The following MTUS2 variants were observed in gnomAD, a reference collection of about 807,000 sequenced individuals.
The protein encoded by MTUS2 is microtubule-associated tumor suppressor candidate 2.
Under a neutral mutation model 114.1 loss-of-function variants are expected in MTUS2, and 40 were observed. The ratio of observed to expected loss-of-function variants is 0.35; its 90% CI spans 0.27 to 0.46. The LOEUF is 0.46. Ranked by LOEUF, MTUS2 falls within the 20% of genes least tolerant of loss-of-function variation. The probability of loss-of-function intolerance (pLI) is 1.00; values close to 1 mark genes in which losing one functional copy is unlikely to be tolerated. For missense variants in MTUS2, 1,679 were observed against 1,705.4 expected (o/e 0.98, Z 0.27); for synonymous variants, 688 against 672.0 (o/e 1.02, Z -0.37).
At chr13:29,389,581 A>G (rs1176774261) in intron 8 of MTUS2, among the ~76,000 whole-genome samples, 3 of 104,386 alleles carry the variant, frequency 2.9e-5, no homozygotes, top group Non-Finnish European at 4.0e-5. Context: ...ATATGTGTGT[A>G]TACGTATACA....
At chr13:29,211,797 G>A (rs1895452216) in intron 5 of MTUS2, among the ~76,000 whole-genome samples, 1 of 151,614 alleles carries the variant, frequency 6.6e-6, no homozygotes, top group Non-Finnish European at 1.5e-5. Context: ...GTTTGTCAGT[G>A]TGTCATGGAG....
chr13:29,442,919 T>A (rs1487776550), intron 9 of MTUS2, among the ~76,000 whole-genome samples: 1 of 151,792 alleles, frequency 6.6e-6, no homozygotes, highest in Non-Finnish European at 1.5e-5. Flanking sequence ...CCTCCTCTTT[T>A]AGCAAGATAT....
chr13:29,110,641 T>A (rs1157468356), intron 5 of MTUS2, among the ~76,000 whole-genome samples: 3 of 152,076 alleles, frequency 2.0e-5, no homozygotes, highest in Non-Finnish European at 2.9e-5. Flanking sequence ...TTTCTTTGCT[T>A]CCTTCCCACA....
At chr13:29,144,258 C>CAGG (rs1237106094) in intron 5 of MTUS2, among the ~76,000 whole-genome samples, 1 of 152,176 alleles carries the variant, frequency 6.6e-6, no homozygotes, top group Non-Finnish European at 1.5e-5. Flanking sequence ...TTCTGTGGGT[C>CAGG]AGGAGTCTGA....
chr13:29,101,598 A>T (rs1890421865), intron 5 of MTUS2, among the ~76,000 whole-genome samples: 1 of 152,184 alleles, frequency 6.6e-6, no homozygotes, highest in Non-Finnish European at 1.5e-5. Flanking sequence ...TCCCTGAGGA[A>T]GATCTGGAGG....
At chr13:28,910,687 C>T (rs1235916196) in intron 2 of MTUS2, among the ~76,000 whole-genome samples, 1 of 152,034 alleles carries the variant, frequency 6.6e-6, no homozygotes. Context: ...CAGCTCCATT[C>T]ATGTCCCTGC....
intron 2 of MTUS2, among the ~76,000 whole-genome samples, chr13:29,007,763 T>C (rs1022010340): frequency 2.0e-5 from 3 of 152,242 alleles, no homozygotes; most frequent in African/African-American, 7.2e-5. Flanking sequence ...CCTCTCGCTT[T>C]ACTTTATTGT....
At chr13:29,286,854 C>T (rs1424078253) in intron 6 of MTUS2, among the ~76,000 whole-genome samples, 1 of 152,116 alleles carries the variant, frequency 6.6e-6, no homozygotes, top group Non-Finnish European at 1.5e-5. Flanking sequence ...CCACACCGGG[C>T]TAATTTTTGT....
chr13:29,133,153 G>A (rs1891836926), intron 5 of MTUS2, among the ~76,000 whole-genome samples: 1 of 151,826 alleles, frequency 6.6e-6, no homozygotes, highest in Admixed American at 6.6e-5. Flanking sequence ...ATTGCCATTT[G>A]TATTCTTCTT....
chr13:28,947,366 G>GA, intron 2 of MTUS2, among the ~76,000 whole-genome samples: 1 of 152,146 alleles, frequency 6.6e-6, no homozygotes, highest in Non-Finnish European at 1.5e-5. Flanking sequence ...ATGCATGAGC[G>GA]AGTGTTTACT....
intron 2 of MTUS2, among the ~76,000 whole-genome samples, chr13:28,942,919 A>G (rs1882323773): frequency 6.6e-6 from 1 of 152,130 alleles, no homozygotes; most frequent in Non-Finnish European, 1.5e-5. Flanking sequence ...TGATTCATTT[A>G]ATTATTTAAT....
intron 4 of MTUS2, among the ~76,000 whole-genome samples, chr13:29,050,166 A>G (rs575944263): frequency 2.0e-5 from 3 of 152,252 alleles, no homozygotes; most frequent in Admixed American, 6.5e-5. Context: ...GGTCCCTAGG[A>G]AACCCAAAAA....
intron 4 of MTUS2, among the ~76,000 whole-genome samples, chr13:29,098,485 C>CACAG (rs1890274175): frequency 6.6e-6 from 1 of 151,900 alleles, no homozygotes; most frequent in South Asian, 2.1e-4. Context: ...TGCATGCACA[C>CACAG]ACACACAAAC....
intron 2 of MTUS2, among the ~76,000 whole-genome samples, chr13:28,855,516 CAT>C (rs1876568633): frequency 6.6e-6 from 1 of 152,082 alleles, no homozygotes; most frequent in Non-Finnish European, 1.5e-5. Flanking sequence ...TAAGTGAGAA[CAT>C]GTGGTGTTTG....
intron 2 of MTUS2, among the ~76,000 whole-genome samples, chr13:28,903,471 T>A (rs563135732): frequency 3.8e-4 from 54 of 141,158 alleles, no homozygotes; most frequent in African/African-American, 1.4e-3. Context: ...TGTCCATGTG[T>A]TCTCATTGTT....
At chr13:29,085,152 C>T (rs1286072251) in intron 4 of MTUS2, among the ~76,000 whole-genome samples, 2 of 152,176 alleles carry the variant, frequency 1.3e-5, no homozygotes, top group Non-Finnish European at 2.9e-5. Flanking sequence ...TACCTTCCAC[C>T]ATGAGTGGAA....
intron 4 of MTUS2, among the ~76,000 whole-genome samples, chr13:29,069,301 A>G (rs922923697): frequency 6.6e-6 from 1 of 152,216 alleles, no homozygotes; most frequent in Non-Finnish European, 1.5e-5. Context: ...CCAATGGTAT[A>G]GATTCCAGTC....
chr13:29,388,567 T>C (rs1221262572), intron 8 of MTUS2, among the ~76,000 whole-genome samples: 1 of 152,010 alleles, frequency 6.6e-6, no homozygotes, highest in Non-Finnish European at 1.5e-5. Flanking sequence ...AACAAACAGC[T>C]GAAAGTTAAC....
At chr13:29,464,677 C>T (rs897489160) in intron 9 of MTUS2, among the ~76,000 whole-genome samples, 3 of 152,160 alleles carry the variant, frequency 2.0e-5, no homozygotes, top group African/African-American at 7.2e-5. Flanking sequence ...GATTCCACCC[C>T]AGCTAATTCA....
Sources: allele counts gnomAD v4.1 joint callset (sites outside exome capture counted in the v4.1 genomes callset), GRCh38; gene constraint gnomAD v4.1.1; transcripts MANE v1.5; gene names NCBI Gene and HGNC (gene_info 2026-07-23, HGNC 2026-07-21).